Variants in RAP1GAP2 observed in about 807,000 individuals in gnomAD.
RAP1GAP2 encodes rap1 GTPase-activating protein 2.
Under a neutral mutation model 95.0 loss-of-function variants are expected in RAP1GAP2, and 27 were observed. The ratio of observed to expected loss-of-function variants is 0.28; its 90% CI spans 0.21 to 0.39. The LOEUF (loss-of-function observed/expected upper bound fraction) is 0.39. Ranked by LOEUF, RAP1GAP2 falls within the 10% of genes least tolerant of loss-of-function variation. The pLI, the probability that RAP1GAP2 is intolerant of heterozygous loss-of-function variation, is 1.00. For missense variants in RAP1GAP2, 771 were observed against 970.0 expected (o/e 0.79, Z 2.72); for synonymous variants, 373 against 380.9 (o/e 0.98, Z 0.24).
At chr17:3,031,181 C>T (rs2047279201) in intron 23 of RAP1GAP2, among the ~76,000 whole-genome samples, 183 bp downstream of exon 23, 1 of 152,240 alleles carries the variant, frequency 6.6e-6, no homozygotes, top group Non-Finnish European at 1.5e-5. Flanking sequence ...GCCACCTTTG[C>T]CACAACTCCC....
intron 11 of RAP1GAP2, among the ~76,000 whole-genome samples, chr17:2,990,822 T>C (rs1410026455): frequency 6.6e-6 from 1 of 151,728 alleles, no homozygotes; most frequent in East Asian, 1.9e-4. Flanking sequence ...TTGATTACTT[T>C]AGAGTTTTCA....
chr17:3,022,871 C>T (rs1032270044), intron 19 of RAP1GAP2, among the ~76,000 whole-genome samples: 1 of 152,134 alleles, frequency 6.6e-6, no homozygotes, highest in South Asian at 2.1e-4. Flanking sequence ...TTGTTTCATG[C>T]CTTAGATTTA....
chr17:2,787,814 G>T (rs559338226), intron 1 of RAP1GAP2, among the ~76,000 whole-genome samples: 3 of 152,082 alleles, frequency 2.0e-5, no homozygotes, highest in African/African-American at 4.8e-5. Context: ...TGATCTGCCC[G>T]CCTCGGCCTC....
intron 2 of RAP1GAP2, among the ~76,000 whole-genome samples, chr17:2,884,711 C>T (rs1567740980): frequency 6.6e-6 from 1 of 152,156 alleles, no homozygotes; most frequent in Non-Finnish European, 1.5e-5. Flanking sequence ...CTTCCACTGA[C>T]TAGCTGTGTT....
At chr17:2,823,467 T>G (rs1156669495) in intron 2 of RAP1GAP2, among the ~76,000 whole-genome samples, 6 of 152,208 alleles carry the variant, frequency 3.9e-5, no homozygotes, top group Non-Finnish European at 7.3e-5. Context: ...CCATTTTGCC[T>G]TTGTCTTCCT....
At chr17:2,920,183 A>T (rs190989186) in intron 3 of RAP1GAP2, among the ~76,000 whole-genome samples, 1,628 of 152,008 alleles carry the variant, frequency 0.011, 13 homozygotes, top group Non-Finnish European at 0.017. Context: ...CTTAAAAAAA[A>T]TTTTTTTTAA....
intron 1 of RAP1GAP2, among the ~76,000 whole-genome samples, chr17:2,790,917 C>T (rs566159586): frequency 1.1e-4 from 17 of 152,308 alleles, no homozygotes; most frequent in Middle Eastern, 3.4e-3. Context: ...CCGTAGAGGC[C>T]GGGCGCTGCG....
chr17:2,911,494 G>T (rs1335909998), intron 3 of RAP1GAP2, among the ~76,000 whole-genome samples: 1 of 151,970 alleles, frequency 6.6e-6, no homozygotes, highest in African/African-American at 2.4e-5. Flanking sequence ...TTAGGGAGGG[G>T]CAGTTGTATG....
At chr17:2,914,592 A>G (rs753208251) in intron 3 of RAP1GAP2, among the ~76,000 whole-genome samples, 70 of 151,420 alleles carry the variant, frequency 4.6e-4, no homozygotes, top group Non-Finnish European at 8.1e-4. Context: ...CTGGGTTCAC[A>G]CCATTCTCCT....
At chr17:2,758,800 G>GA (rs938149572) in intron 1 of RAP1GAP2, among the ~76,000 whole-genome samples, 3 of 152,230 alleles carry the variant, frequency 2.0e-5, no homozygotes, top group African/African-American at 7.2e-5. Flanking sequence ...TCACTGAACT[G>GA]AAAAAACTCT....
At chr17:2,756,405 G>C (rs965853035) in intron 1 of RAP1GAP2, among the ~76,000 whole-genome samples, 4 of 152,190 alleles carry the variant, frequency 2.6e-5, no homozygotes, top group Non-Finnish European at 5.9e-5. Context: ...TCAGGTTACC[G>C]GACTGCAAGC....
intron 2 of RAP1GAP2, among the ~76,000 whole-genome samples, chr17:2,807,279 G>A (rs539782523): frequency 2.2e-4 from 33 of 152,288 alleles, no homozygotes; most frequent in Non-Finnish European, 3.2e-4. Flanking sequence ...TGGCCACTGG[G>A]TCTTTGTTTA....
In RAP1GAP2 at chr17:2,825,405, G is replaced by A. The variant is rs1458937695; in HGVS notation, c.80+24855G>A. On this transcript the variant is annotated intron_variant, in intron 2 of 24. Coordinates refer to ENST00000254695, the MANE Select transcript of RAP1GAP2 (RefSeq NM_015085.5). The surrounding 1 kb of genome is among the most constrained non-coding windows in gnomAD (Gnocchi z 4.1). ...AGGAAGCAAGAACATGAGTGTTCAC[G>A]CTTTGACTGAGCTGTTGACAGCACC... Among the ~76,000 whole-genome samples the A allele has an allele frequency of 1.3e-5, 2 of 152,152 alleles. No individual in the cohort carries two copies. The highest frequency in any genetic ancestry group is 2.1e-4 in the South Asian group (1 of 4,792).
intron 3 of RAP1GAP2, among the ~76,000 whole-genome samples, chr17:2,932,817 A>ATG (rs2043196725): frequency 3.6e-5 from 1 of 27,936 alleles, no homozygotes. Flanking sequence ...ACTCCATCTC[A>ATG]AAAAAAGAAA....
At chr17:2,920,471 T>C (rs80120783) in intron 3 of RAP1GAP2, among the ~76,000 whole-genome samples, 2,223 of 152,308 alleles carry the variant, frequency 0.015, 64 homozygotes, top group African/African-American at 0.051. Context: ...CCTGCCTGTT[T>C]TCAGGCCCTG....
At chr17:2,954,266 A>G (rs7225297) in intron 3 of RAP1GAP2, among the ~76,000 whole-genome samples, 42,532 of 151,316 alleles carry the variant, frequency 0.28, 6,149 homozygotes, top group African/African-American at 0.37. Flanking sequence ...CACCATGCCC[A>G]GCTAATTTTT....
chr17:2,895,873 C>T (rs577930457), intron 2 of RAP1GAP2, among the ~76,000 whole-genome samples: 11 of 152,272 alleles, frequency 7.2e-5, no homozygotes, highest in South Asian at 2.1e-4. Context: ...CCACCGCGCC[C>T]GGCCTGCCCT....
chr17:2,861,653 G>A (rs898642044), intron 2 of RAP1GAP2, among the ~76,000 whole-genome samples: 7 of 150,418 alleles, frequency 4.7e-5, no homozygotes, highest in African/African-American at 1.7e-4. Context: ...TTTTTTTTGG[G>A]GGGGGGGACG....
intron 7 of RAP1GAP2, chr17:2,964,527 G>A: frequency 6.1e-6 from 1 of 164,636 alleles, no homozygotes; most frequent in South Asian, 1.6e-4. Context: ...GGGCAGGGGA[G>A]CCATGTAACA....
Sources: allele counts gnomAD v4.1 joint callset (sites outside exome capture counted in the v4.1 genomes callset), GRCh38; gene constraint gnomAD v4.1.1; non-coding constraint Gnocchi (gnomAD v3.1); transcripts MANE v1.5; gene names NCBI Gene and HGNC (gene_info 2026-07-23, HGNC 2026-07-21).